The following SEC31A variants were observed in gnomAD, a reference collection of about 807,000 sequenced individuals.
SEC31A encodes protein transport protein Sec31A.
In SEC31A, 70 loss-of-function variants were observed where a neutral mutation model predicts 151.0. The ratio of observed to expected loss-of-function variants is 0.46; its 90% confidence interval spans 0.38 to 0.57. The LOEUF (loss-of-function observed/expected upper bound fraction) is 0.57. Ranked by LOEUF, SEC31A falls within the 20% of genes least tolerant of loss-of-function variation. The pLI, the probability that SEC31A is intolerant of heterozygous loss-of-function variation, is 0.00. For missense variants in SEC31A, 1,330 were observed against 1,471.2 expected (o/e 0.90, Z 1.57); for synonymous variants, 475 against 505.9 (o/e 0.94, Z 0.82).
At chr4:82,892,534 T>G (rs1191783899), upstream of SEC31A, among the ~76,000 whole-genome samples, 3 of 152,262 alleles carry the variant, frequency 2.0e-5, no homozygotes, top group Admixed American at 6.5e-5. Context: ...TGCTCTGTCC[T>G]TTGTTGACCA....
At chr4:82,892,528 C>T (rs1196685907), upstream of SEC31A, among the ~76,000 whole-genome samples, 1 of 152,238 alleles carries the variant, frequency 6.6e-6, no homozygotes, top group Non-Finnish European at 1.5e-5. Flanking sequence ...CTTTGCTGCT[C>T]TGTCCTTTGT....
intron 22 of SEC31A, among the ~76,000 whole-genome samples, chr4:82,840,995 T>C (rs1728602106): frequency 6.6e-6 from 1 of 152,250 alleles, no homozygotes; most frequent in Non-Finnish European, 1.5e-5. Flanking sequence ...AAAATTATTT[T>C]ATTAACCTTA....
At chr4:82,867,913 G>A (rs1032270472) in intron 8 of SEC31A, among the ~76,000 whole-genome samples, 6 of 152,212 alleles carry the variant, frequency 3.9e-5, no homozygotes, top group African/African-American at 9.6e-5. Flanking sequence ...GATTACAGGC[G>A]TGAGCCACCG....
intron 1 of SEC31A, among the ~76,000 whole-genome samples, chr4:82,886,070 G>T (rs1419757792): frequency 6.6e-6 from 1 of 152,134 alleles, no homozygotes; most frequent in Non-Finnish European, 1.5e-5. Flanking sequence ...GAACTTGCAA[G>T]TTTAGCTCCA....
Position 82,842,417 on chromosome 4 carries a change from C to A in SEC31A, c.2691G>T (p.Gln897His). ...CGTTTGAAGTAGGAGGAGCAACAGG[C>A]TGCTGAGGTCGATACATTGCTGACC... The part of the protein sequence containing the change: ...TGGSAMYRPQ[Q>H]PVAPPTSNAY... Residue 897 changes from glutamine (Q) to histidine (H), a missense_variant, in exon 22 of 27, where the codon CAG becomes CAT. Gln to His is a conservative substitution (Grantham distance 24). Coordinates refer to ENST00000395310, the MANE Select transcript of SEC31A (RefSeq NM_001077207.4). The A allele has an allele frequency of 1.2e-6, 2 of 1,613,924 alleles. No homozygotes were observed. Among genetic ancestry groups the A allele is most frequent in the Non-Finnish European group, 1.7e-6 (2 of 1,179,960 alleles).
intron 22 of SEC31A, among the ~76,000 whole-genome samples, chr4:82,838,151 T>G (rs1340656503): frequency 1.3e-5 from 2 of 152,350 alleles, no homozygotes; most frequent in African/African-American, 2.4e-5. Flanking sequence ...TTTACTTGAA[T>G]AGTTAAAACC....
Position 82,853,580 on chromosome 4 carries a change from A to G in SEC31A, c.2144T>C (p.Leu715Ser). The G allele has an allele frequency of 6.3e-7, 1 of 1,578,092 alleles. No homozygotes were observed. Among genetic ancestry groups the G allele is most frequent in the East Asian group, 2.3e-5 (1 of 42,858 alleles). Residue 715 changes from leucine (L) to serine (S), a missense_variant, in exon 18 of 27, where the codon TTG (leucine) becomes TCG (serine). Transcript: ENST00000395310. ...WTKAQDGSHPLSLQDLIEKVV... is the reference protein window; with the variant it reads ...WTKAQDGSHPSSLQDLIEKVV... ...TTTCAAAGATACTACCTGAAGTGAC[A>G]AAGGGTGGCTTCCATCTTGAGCTTT...
At chr4:82,832,848 C>T (rs1213105969) in intron 22 of SEC31A, among the ~76,000 whole-genome samples, 2 of 152,160 alleles carry the variant, frequency 1.3e-5, no homozygotes, top group African/African-American at 2.4e-5. Context: ...ATCAAAACCA[C>T]AGTGAGATAC....
chr4:82,878,033 GTCATAAACATA>G (rs2125788313), intron 4 of SEC31A: 1 of 152,276 alleles, frequency 6.6e-6, no homozygotes, highest in East Asian at 1.9e-4. Flanking sequence ...ATTAATCTCT[GTCATAAACATA>G]AAATTTCTCA....
chr4:82,856,117 A>G (rs1732577684), intron 16 of SEC31A, among the ~76,000 whole-genome samples: 1 of 152,108 alleles, frequency 6.6e-6, no homozygotes, highest in African/African-American at 2.4e-5. Flanking sequence ...GAAACATTAC[A>G]TCTTCTTACC....
intron 20 of SEC31A, among the ~76,000 whole-genome samples, chr4:82,846,070 C>T (rs1730067769): frequency 6.6e-6 from 1 of 152,124 alleles, no homozygotes; most frequent in Non-Finnish European, 1.5e-5. Context: ...GTGGTGCGAT[C>T]TCAGCTCACT....
intron 3 of SEC31A, among the ~76,000 whole-genome samples, chr4:82,879,893 G>GT (rs1308345914): frequency 1.3e-5 from 2 of 152,070 alleles, no homozygotes; most frequent in Non-Finnish European, 2.9e-5. Context: ...TCTAAATATC[G>GT]TAACAGAAGA....
chr4:82,880,722 C>A (rs954194676), intron 3 of SEC31A, 77 bp downstream of exon 3: 1 of 1,246,872 alleles, frequency 8.0e-7, no homozygotes, highest in South Asian at 1.6e-5. Context: ...CTAATAATGG[C>A]ATAATTATAG....
intron 14 of SEC31A, among the ~76,000 whole-genome samples, chr4:82,858,608 A>T (rs1384789260): frequency 6.7e-6 from 1 of 149,748 alleles, no homozygotes; most frequent in African/African-American, 2.4e-5. Flanking sequence ...CATATTCATT[A>T]CTGGTATCTC....
intron 10 of SEC31A, 136 bp downstream of exon 10, chr4:82,866,672 G>T: frequency 1.3e-6 from 1 of 742,350 alleles, no homozygotes; most frequent in Non-Finnish European, 2.0e-6. Context: ...AAACCATTTT[G>T]AATGATGAAA....
At chr4:82,894,796 G>C (rs1375831511), upstream of SEC31A, 2 of 152,126 alleles carry the variant, frequency 1.3e-5, no homozygotes, top group African/African-American at 4.8e-5. Flanking sequence ...TGTTCTGATA[G>C]AGCCTCTTTT....
chr4:82,878,908 C>T lies in SEC31A; in HGVS notation c.224G>A (p.Gly75Glu), dbSNP rs751612012. 9 of 1,613,368 alleles carry T rather than the reference C, an allele frequency of 5.6e-6. No homozygotes were observed. The highest frequency in any genetic ancestry group is 1.7e-5 in the Admixed American group (1 of 59,990). The change falls in exon 4 of 27, where the codon GGG becomes GAG. Residue 75 changes from glycine to glutamate, a missense_variant. Coordinates refer to ENST00000395310, the MANE Select transcript of SEC31A (RefSeq NM_001077207.4). ...SSHRYHKLIW[G>E]PYKMDSKGDV... is the part of the protein sequence containing the mutation. The stretch of plus-strand genomic sequence containing the variant: ...TCCTTTGGAATCCATTTTATAAGGC[C>T]CCCAAATCAACTTGTGGTACCTACA...
At chr4:82,855,131 C>A in intron 16 of SEC31A, 102 bp from the exon 17 acceptor site, 1 of 976,886 alleles carries the variant, frequency 1.0e-6, no homozygotes, top group Non-Finnish European at 1.4e-6. Context: ...CCAAATGCAG[C>A]AGCAAAATGA....
At chr4:82,856,656 T>C (rs1055543643) in intron 16 of SEC31A, among the ~76,000 whole-genome samples, 2 of 151,916 alleles carry the variant, frequency 1.3e-5, no homozygotes, top group African/African-American at 2.4e-5. Flanking sequence ...GAGGCTGAGG[T>C]AGGAGAATCG....
Sources: allele counts gnomAD v4.1 joint callset (sites outside exome capture counted in the v4.1 genomes callset), GRCh38; gene constraint gnomAD v4.1.1; transcripts MANE v1.5; gene names NCBI Gene and HGNC (gene_info 2026-07-23, HGNC 2026-07-21).